Variants in NPAS3 observed in about 807,000 individuals in gnomAD.
NPAS3 encodes the protein neuronal PAS domain protein 3.
A neutral mutation model predicts 73.1 loss-of-function variants in NPAS3; 14 were observed. That is an observed-to-expected ratio of 0.19 (90% CI 0.13 to 0.30). NPAS3 has a LOEUF of 0.30. Ranked by LOEUF, NPAS3 falls within the 10% of genes least tolerant of loss-of-function variation. NPAS3 has a pLI of 1.00. For missense variants in NPAS3, 1,096 were observed against 1,250.0 expected, an observed-to-expected ratio of 0.88 and a Z score of 1.86; for synonymous variants, 620 against 541.5, an observed-to-expected ratio of 1.14 and a Z score of -2.01.
At chr14:33,534,297 C>A (rs922730423) in intron 4 of NPAS3, among the ~76,000 whole-genome samples, 2 of 151,438 alleles carry the variant, frequency 1.3e-5, no homozygotes, top group South Asian at 2.1e-4. Flanking sequence ...TCAGACAAAG[C>A]AACAGCTAGA....
intron 2 of NPAS3, among the ~76,000 whole-genome samples, chr14:33,134,489 A>C (rs1158121458): frequency 6.6e-6 from 1 of 152,182 alleles, no homozygotes; most frequent in African/African-American, 2.4e-5. Flanking sequence ...TTTCACGGAT[A>C]CTGAAAATTC....
At chr14:33,565,179 G>A (rs1030559956) in intron 5 of NPAS3, among the ~76,000 whole-genome samples, 1 of 152,066 alleles carries the variant, frequency 6.6e-6, no homozygotes, top group African/African-American at 2.4e-5. Flanking sequence ...TTTAAATTTG[G>A]TATTTTTTTT....
intron 2 of NPAS3, among the ~76,000 whole-genome samples, chr14:33,213,441 A>G (rs922818397): frequency 1.7e-4 from 26 of 152,208 alleles, no homozygotes; most frequent in Non-Finnish European, 2.2e-4. Flanking sequence ...AAAGGGAGGA[A>G]TTCGAACTAT....
intron 5 of NPAS3, among the ~76,000 whole-genome samples, chr14:33,660,834 T>C (rs556986067): frequency 6.6e-6 from 1 of 152,296 alleles, no homozygotes; most frequent in East Asian, 1.9e-4. Flanking sequence ...ATTTACATAC[T>C]CTCGAAGGCA....
At chr14:33,697,795 G>A (rs759473974) in intron 6 of NPAS3, among the ~76,000 whole-genome samples, 6 of 152,144 alleles carry the variant, frequency 3.9e-5, no homozygotes, top group African/African-American at 7.2e-5. Flanking sequence ...TAATCATGGC[G>A]AGTGAGATTT....
Position 33,600,651 on chromosome 14 carries a change from C to T in NPAS3, c.558+40441C>T, listed in dbSNP as rs147513620. ...TAGTTATAAAATAATTACTGGCTAACGATGACACAGGAAGTGGTGACTACC... is the reference window on the plus strand; with the variant it reads ...TAGTTATAAAATAATTACTGGCTAATGATGACACAGGAAGTGGTGACTACC... On this transcript the variant is annotated intron_variant, in intron 5 of 11. Coordinates refer to ENST00000356141, the Ensembl canonical transcript of NPAS3. Among the ~76,000 whole-genome samples, 8 of 152,232 alleles carry T rather than the reference C, an allele frequency of 5.3e-5. No homozygotes were observed. The East Asian group carries it at 5.8e-4, about 11-fold the overall frequency.
At chr14:33,247,019 A>G (rs2048415689) in intron 3 of NPAS3, among the ~76,000 whole-genome samples, 1 of 152,000 alleles carries the variant, frequency 6.6e-6, no homozygotes, top group Admixed American at 6.5e-5. Flanking sequence ...GTTTCAACAA[A>G]CAAACAAACA....
chr14:33,045,881 C>T (rs2138448449), intron 1 of NPAS3, among the ~76,000 whole-genome samples: 1 of 152,222 alleles, frequency 6.6e-6, no homozygotes, highest in African/African-American at 2.4e-5. Context: ...CTCTTCTGAG[C>T]CTATTCTGAG....
chr14:33,738,092 T>A (rs1003374373), intron 7 of NPAS3, among the ~76,000 whole-genome samples: 1 of 152,212 alleles, frequency 6.6e-6, no homozygotes, highest in African/African-American at 2.4e-5. Context: ...CTGTGCCACA[T>A]GCTTCACAGT....
chr14:33,211,770 G>A (rs1027518801), intron 2 of NPAS3, among the ~76,000 whole-genome samples: 4 of 152,102 alleles, frequency 2.6e-5, no homozygotes, highest in Admixed American at 6.6e-5. Flanking sequence ...TGGTAATAAT[G>A]ATTTGTGAGG....
intron 1 of NPAS3, among the ~76,000 whole-genome samples, chr14:33,044,138 A>G (rs2040428550): frequency 1.3e-5 from 2 of 152,228 alleles, no homozygotes; most frequent in African/African-American, 2.4e-5. Context: ...AAAACTGAAA[A>G]GATGATTTAT....
intron 4 of NPAS3, among the ~76,000 whole-genome samples, chr14:33,469,453 G>A (rs1170331052): frequency 6.6e-6 from 1 of 152,068 alleles, no homozygotes; most frequent in Non-Finnish European, 1.5e-5. Context: ...ACACAAAAAG[G>A]TATATAACTT....
At chr14:33,068,118 T>G (rs1477038851) in intron 2 of NPAS3, among the ~76,000 whole-genome samples, 1 of 152,202 alleles carries the variant, frequency 6.6e-6, no homozygotes. Flanking sequence ...TGCAAAGATT[T>G]TCCTTTCTGG....
Position 33,088,426 on chromosome 14 carries a change from A to G in NPAS3, c.140+32432A>G, listed in dbSNP as rs530603519. On this transcript the variant is annotated intron_variant, in intron 2 of 11. Transcript: ENST00000356141. ...GGCTCGGAGGGTCCCACGCCCACAG[A>G]GCCTCGCTTATTGCTGGCACAGCAG... Among the ~76,000 whole-genome samples the G allele has an allele frequency of 1.1e-3, 161 of 152,314 alleles. 1 individual carries two copies. The highest frequency in any genetic ancestry group is 3.6e-3 in the African/African-American group (151 of 41,582).
chr14:33,680,412 T>G (rs769326753), intron 6 of NPAS3, among the ~76,000 whole-genome samples: 8 of 152,196 alleles, frequency 5.3e-5, no homozygotes, highest in Non-Finnish European at 1.2e-4. Context: ...AAATAACCAT[T>G]ATTCATATAT....
chr14:33,762,719 G>C (rs2062333746), intron 7 of NPAS3, among the ~76,000 whole-genome samples: 1 of 152,226 alleles, frequency 6.6e-6, no homozygotes, highest in Admixed American at 6.5e-5. Context: ...CTAGAAGCTT[G>C]TTAAGGAGTT....
At chr14:33,180,298 C>T (rs750374983) in intron 2 of NPAS3, among the ~76,000 whole-genome samples, 1 of 151,982 alleles carries the variant, frequency 6.6e-6, no homozygotes, top group Admixed American at 6.6e-5. Context: ...AGCCTTGGTT[C>T]GCCACTTCTG....
intron 2 of NPAS3, among the ~76,000 whole-genome samples, chr14:33,211,908 A>G (rs1476255550): frequency 2.6e-5 from 4 of 152,190 alleles, no homozygotes; most frequent in Non-Finnish European, 4.4e-5. Context: ...CCCAGGGAGT[A>G]AATATTTGGG....
intron 5 of NPAS3, among the ~76,000 whole-genome samples, chr14:33,608,163 T>C (rs2057636570): frequency 6.6e-6 from 1 of 152,232 alleles, no homozygotes; most frequent in Non-Finnish European, 1.5e-5. Context: ...TGACATAGAA[T>C]AAGCTATTTT....
Sources: allele counts gnomAD v4.1 joint callset (sites outside exome capture counted in the v4.1 genomes callset), GRCh38; gene constraint gnomAD v4.1.1; transcripts MANE v1.5; gene names NCBI Gene and HGNC (gene_info 2026-07-23, HGNC 2026-07-21).